The following KRT33B variants were observed in gnomAD, a reference collection of about 807,000 sequenced individuals.
KRT33B encodes the protein keratin 33B, also known as keratin, type I cuticular Ha3-II.
In KRT33B, 37 loss-of-function variants were observed where a neutral mutation model predicts 42.7. The observed-to-expected ratio is 0.87, with a 90% CI of 0.67 to 1.14. KRT33B has a LOEUF of 1.14. Among genes scored for constraint, KRT33B ranks in the 50% most tolerant of loss-of-function variants. The pLI, the probability that KRT33B is intolerant of heterozygous loss-of-function variation, is 0.00. For missense variants in KRT33B, 523 were observed against 515.1 expected (o/e 1.02, Z -0.15); for synonymous variants, 237 against 221.2 (o/e 1.07, Z -0.63).
intron 3 of KRT33B, 127 bp downstream of exon 3, chr17:41,366,343 G>C: frequency 9.2e-7 from 1 of 1,091,162 alleles, no homozygotes; most frequent in Non-Finnish European, 1.3e-6. Flanking sequence ...AAGCCCCAAA[G>C]TATGTTTTGA....
Position 41,363,788 on chromosome 17 carries a change from C to T in KRT33B, c.*48G>A, listed in dbSNP as rs372129751. 52 of 1,289,514 alleles carry T rather than the reference C, an allele frequency of 4.0e-5. No individual in the cohort carries two copies. The highest frequency in any genetic ancestry group is 4.6e-5 in the Non-Finnish European group (42 of 903,460). The allele number at this position is 1,289,514 out of a possible 1,614,324, so 79.9% of individuals were successfully genotyped here. On this transcript the variant is annotated 3_prime_UTR_variant, in exon 7 of 7. Transcript: ENST00000251646. ...TGTCAGAGAGGCAGAACTGGCCCACCGATGGTAGTTCTGTCTTCATGCTAT... is the reference window on the plus strand; with the variant it reads ...TGTCAGAGAGGCAGAACTGGCCCACTGATGGTAGTTCTGTCTTCATGCTAT...
At chr17:41,367,370 G>A (rs2144300060) in intron 2 of KRT33B, among the ~76,000 whole-genome samples, 1 of 151,466 alleles carries the variant, frequency 6.6e-6, no homozygotes, top group East Asian at 1.9e-4. Context: ...CAGACGTTGG[G>A]TTGAAAAGGA....
At position 41,365,401 on chromosome 17, in the gene KRT33B, G is replaced by C. The variant is rs774321951; in HGVS notation, c.741C>G (p.Phe247Leu). 28 of 1,611,034 alleles carry C rather than the reference G, an allele frequency of 1.7e-5. No homozygotes were observed. Among genetic ancestry groups the C allele is most frequent in the Non-Finnish European group, 2.3e-5 (27 of 1,178,988 alleles). Residue 247 changes from phenylalanine to leucine, a missense_variant, in exon 4 of 7, where the codon TTC (phenylalanine) becomes TTG (leucine). Coordinates refer to ENST00000251646, the MANE Select transcript of KRT33B (RefSeq NM_002279.5). The stretch of plus-strand genomic sequence containing the variant: ...GTGCTTAGATGCCCACCTGCGTGGC[G>C]AACCATTGCTCCACTTCCCTGCGGT... ...ETNRREVEQW[F>L]ATQTEELNKQ...
intron 6 of KRT33B, 44 bp from the exon 7 acceptor site, chr17:41,363,997 T>A: frequency 7.4e-7 from 1 of 1,346,012 alleles, no homozygotes; most frequent in Non-Finnish European, 1.1e-6. Flanking sequence ...GAAGGGTGAT[T>A]CAAACAAGGG....
chr17:41,366,559 C>T lies in KRT33B; in HGVS notation c.499G>A (p.Asp167Asn), dbSNP rs375711822. 1.6e-5 allele frequency: 26 copies of T among 1,612,454 alleles called. No individual in the cohort carries two copies. The highest frequency in any genetic ancestry group is 2.1e-5 in the Non-Finnish European group (25 of 1,180,000). ...TCAGACCTGCACAGGGTCAGCTCAT[C>T]CAGAATCCTGCGCAGGCTGTTGATG... ...SDINSLRRIL[D>N]ELTLCRSDLE... The change falls in exon 3 of 7, where the codon GAT becomes AAT. Residue 167 changes from aspartate to asparagine, a missense_variant. Transcript: ENST00000251646.
chr17:41,366,497 C>A lies in KRT33B; in HGVS notation c.561G>T (p.Leu187=). The A allele has an allele frequency of 6.2e-7, 1 of 1,612,640 alleles. No homozygotes were observed. Among genetic ancestry groups the A allele is most frequent in the Non-Finnish European group, 8.5e-7 (1 of 1,180,014 alleles). The change falls in exon 3 of 7, where the codon CTG becomes CTT. Residue 187 remains leucine, a synonymous_variant. Coordinates refer to ENST00000251646, the MANE Select transcript of KRT33B (RefSeq NM_002279.5). ...EAQMESLKEE[L]LSLKQNHEQE... is the part of the protein sequence containing the mutation. ...GCTCATGGTTCTGCTTGAGGGACAGCAGCTCCTCCTTCAGGGACTCCATCT... is the reference window on the plus strand; with the variant it reads ...GCTCATGGTTCTGCTTGAGGGACAGAAGCTCCTCCTTCAGGGACTCCATCT...
At chr17:41,365,116 C>T (rs1232975855) in intron 5 of KRT33B, 59 bp downstream of exon 5, 6 of 1,609,262 alleles carry the variant, frequency 3.7e-6, no homozygotes, top group Non-Finnish European at 3.4e-6. Flanking sequence ...CCAAGGGCAT[C>T]CCCAAGACTC....
intron 2 of KRT33B, 97 bp downstream of exon 2, chr17:41,367,811 A>G: frequency 1.9e-6 from 2 of 1,046,524 alleles, no homozygotes; most frequent in Non-Finnish European, 3.0e-6. Flanking sequence ...TCCTCCCAAT[A>G]GAAATTTCTG....
In KRT33B at chr17:41,364,844, G is replaced by A. The variant is rs1046273302; in HGVS notation, c.1032C>T (p.Asp344=). The A allele has an allele frequency of 1.9e-5, 31 of 1,612,424 alleles. No homozygotes were observed. The highest frequency in any genetic ancestry group is 2.4e-5 in the Non-Finnish European group (28 of 1,179,906). Residue 344 remains aspartate, a synonymous_variant, in exon 6 of 7, where the codon GAC becomes GAT. Transcript: ENST00000251646. ...TCTCACACTCCAGCCGCGCCCGCAC[G>A]TCCAGCAGCACCTGATACTCCTGGT... ...RQNQEYQVLL[D]VRARLECEIN...
chr17:41,369,092 G>T (rs1302110588), intron 1 of KRT33B, among the ~76,000 whole-genome samples: 1 of 151,374 alleles, frequency 6.6e-6, no homozygotes, highest in East Asian at 1.9e-4. Flanking sequence ...ATGCGGTAAT[G>T]CTCTGAAAAC....
chr17:41,367,850 C>T, intron 2 of KRT33B, 58 bp downstream of exon 2: 1 of 1,468,766 alleles, frequency 6.8e-7, no homozygotes, highest in African/African-American at 1.4e-5. Context: ...GGGAGCTCAT[C>T]ACTTTGTAAT....
Position 41,367,938 on chromosome 17 carries a change from G to A in KRT33B, c.401C>T (p.Ala134Val), listed in dbSNP as rs1185410320. 1 of 1,612,926 alleles carries A rather than the reference G, an allele frequency of 6.2e-7. No individual in the cohort carries two copies. The highest frequency in any genetic ancestry group is 2.2e-5 in the East Asian group (1 of 44,884). ...TCTGAAGTCATCTGCAGCCAGCTTG[G>A]CATTGTCGATCTGCACCACCAGCCT... ...NARLVVQIDN[A>V]KLAADDFRTK... The change falls in exon 2 of 7, where the codon GCC becomes GTC. Residue 134 changes from alanine to valine, a missense_variant. By Grantham distance (64) the Ala-to-Val change is moderately conservative. Transcript: ENST00000251646.
chr17:41,368,273 G>C (rs567161726), intron 1 of KRT33B, among the ~76,000 whole-genome samples: 6 of 151,312 alleles, frequency 4.0e-5, no homozygotes, highest in Non-Finnish European at 7.3e-5. Flanking sequence ...AACCATCCCA[G>C]TTAACTTAGG....
At chr17:41,366,715 TATATTTTGAA>T in intron 2 of KRT33B, 89 bp from the exon 3 acceptor site, 1 of 1,299,124 alleles carries the variant, frequency 7.7e-7, no homozygotes, top group South Asian at 1.5e-5. Context: ...TCAATTTTAT[TATATTTTGAA>T]ATATTTTGAA....
intron 2 of KRT33B, among the ~76,000 whole-genome samples, chr17:41,366,967 CT>C (rs2017709581): frequency 6.6e-6 from 1 of 151,284 alleles, no homozygotes; most frequent in Non-Finnish European, 1.5e-5. Flanking sequence ...TCCTGTCATC[CT>C]TTCCAGCCTT....
intron 2 of KRT33B, among the ~76,000 whole-genome samples, chr17:41,367,424 C>G (rs2017714534): frequency 6.6e-6 from 1 of 151,400 alleles, no homozygotes; most frequent in African/African-American, 2.5e-5. Flanking sequence ...AAGCACAGGG[C>G]TGCGCACAGT....
chr17:41,364,500 A>C (rs2017668108), intron 6 of KRT33B, among the ~76,000 whole-genome samples: 1 of 151,482 alleles, frequency 6.6e-6, no homozygotes, highest in Admixed American at 6.6e-5. Flanking sequence ...TGTGGTGACA[A>C]GACAGTCCTG....
At chr17:41,369,134 T>A (rs1403609357) in intron 1 of KRT33B, among the ~76,000 whole-genome samples, 2 of 151,420 alleles carry the variant, frequency 1.3e-5, no homozygotes, top group East Asian at 3.9e-4. Context: ...AACCAAAAAA[T>A]CAGATATTCT....
chr17:41,367,531 C>T (rs111628830), intron 2 of KRT33B, among the ~76,000 whole-genome samples: 20,831 of 150,990 alleles, frequency 0.14, 1,859 homozygotes, highest in East Asian at 0.31. Context: ...TGGTAAAACC[C>T]GGTCTCCACT....
Sources: gnomAD v4.1 joint callset for allele counts (sites outside exome capture counted in the v4.1 genomes callset) on GRCh38, gnomAD v4.1.1 for gene constraint, MANE v1.5 for transcripts, NCBI Gene and HGNC (gene_info 2026-07-23, HGNC 2026-07-21) for gene names.